The following LIMCH1 variants were observed in gnomAD, a reference collection of about 807,000 sequenced individuals.
The protein encoded by LIMCH1 is LIM and calponin homology domains 1, also known as LIM and calponin homology domains-containing protein 1.
Under a neutral mutation model 176.5 loss-of-function variants are expected in LIMCH1, and 113 were observed. The ratio of observed to expected loss-of-function variants is 0.64; its 90% CI spans 0.55 to 0.75. LIMCH1 has a LOEUF of 0.75. Among genes scored for constraint, LIMCH1 ranks in the 30% least tolerant of loss-of-function variants. LIMCH1 has a pLI of 0.00. For synonymous variants in LIMCH1, 619 were observed against 645.9 expected, an observed-to-expected ratio of 0.96 and a Z score of 0.63; for missense variants, 1,674 against 1,814.9, an observed-to-expected ratio of 0.92 and a Z score of 1.41.
chr4:41,631,100 T>A lies in LIMCH1; in HGVS notation c.1272-48T>A, dbSNP rs567949328. 1.0e-5 allele frequency: 14 copies of A among 1,363,386 alleles called. No homozygotes were observed. The East Asian group carries it at 3.1e-4, about 30-fold the overall frequency. The allele number at this position is 1,363,386 out of a possible 1,614,324, so 84.5% of individuals were successfully genotyped here. A position where few individuals can be genotyped will look rare whatever the true frequency, so the allele number is the denominator to read the frequency against. On this transcript the variant is annotated intron_variant, in intron 9 of 31. Transcript: ENST00000503057. ...TTGTTTTTTTTTTAAAAACCTCTTA[T>A]TGATTTGTACTCAGACACTTTTAGA...
rs1315423548 is a variant in LIMCH1 at position 41,580,352 on chromosome 4, G to T, written c.-240-18568G>T. The stretch of plus-strand genomic sequence containing the variant: ...ACACTCTGTGATCATGATGCAATGG[G>T]TATAGAAATAATAACAAGAAGGCAA... On this transcript the variant is annotated intron_variant, in intron 1 of 31. Coordinates refer to ENST00000503057, the MANE Select transcript of LIMCH1 (RefSeq NM_001330672.2). Among the ~76,000 whole-genome samples the T allele has an allele frequency of 2.6e-5, 4 of 152,076 alleles. No homozygotes were observed. The East Asian group carries it at 7.7e-4, about 29-fold the overall frequency.
At chr4:41,478,652 A>AG (rs1438800608) in intron 1 of LIMCH1, among the ~76,000 whole-genome samples, 1 of 152,226 alleles carries the variant, frequency 6.6e-6, no homozygotes, top group African/African-American at 2.4e-5. Flanking sequence ...CAACTGTTAC[A>AG]GGACTGTGTG....
intron 8 of LIMCH1, among the ~76,000 whole-genome samples, chr4:41,627,414 A>G (rs1387910001): frequency 6.6e-6 from 1 of 152,172 alleles, no homozygotes; most frequent in African/African-American, 2.4e-5. Flanking sequence ...TAGTCCATTC[A>G]AAGGAAGCAG....
intron 13 of LIMCH1, among the ~76,000 whole-genome samples, chr4:41,634,423 T>G (rs2093475982): frequency 6.6e-6 from 1 of 152,160 alleles, no homozygotes; most frequent in East Asian, 1.9e-4. Flanking sequence ...TGAGGAGGGC[T>G]TTGCATAATT....
intron 18 of LIMCH1, among the ~76,000 whole-genome samples, chr4:41,657,106 G>A (rs143590262): frequency 2.9e-3 from 435 of 152,320 alleles, no homozygotes; most frequent in Middle Eastern, 0.01. Context: ...AGTTTGGATC[G>A]CATTCTCAGT....
At chr4:41,513,557 G>A (rs749842006) in intron 2 of LIMCH1, among the ~76,000 whole-genome samples, 3 of 152,148 alleles carry the variant, frequency 2.0e-5, no homozygotes, top group Non-Finnish European at 4.4e-5. Context: ...GGAACAGGGG[G>A]ACTCCACTCA....
chr4:41,532,830 T>C (rs1022955533), intron 3 of LIMCH1, among the ~76,000 whole-genome samples: 1 of 152,226 alleles, frequency 6.6e-6, no homozygotes, highest in Non-Finnish European at 1.5e-5. Flanking sequence ...TTAATTGCTC[T>C]ATAACAAATT....
At chr4:41,411,534 C>G (rs1039407655) in intron 1 of LIMCH1, among the ~76,000 whole-genome samples, 1 of 151,970 alleles carries the variant, frequency 6.6e-6, no homozygotes. Flanking sequence ...TCAGGAAGTT[C>G]CCTTGAAGCT....
Position 41,598,940 on chromosome 4 carries a change from G to C in LIMCH1, c.-220G>C, listed in dbSNP as rs151127311. The C allele has an allele frequency of 3.7e-6, 6 of 1,606,852 alleles. No individual in the cohort carries two copies. Among genetic ancestry groups the C allele is most frequent in the Non-Finnish European group, 5.1e-6 (6 of 1,173,912 alleles). ...TCTAGGACAATATTATCTTATTCTT[G>C]AGAGGTTGTAAAGAGCTCGGCCTTA... On this transcript the variant is annotated 5_prime_UTR_variant, in exon 2 of 32. The change abolishes the stop of an existing upstream ORF in the 5' untranslated region. Coordinates refer to ENST00000503057, the MANE Select transcript of LIMCH1 (RefSeq NM_001330672.2).
chr4:41,635,815 A>T (rs1381979317), intron 13 of LIMCH1, among the ~76,000 whole-genome samples: 1 of 152,244 alleles, frequency 6.6e-6, no homozygotes, highest in Non-Finnish European at 1.5e-5. Context: ...CAAATTATTG[A>T]TTCTGAAATG....
Position 41,661,485 on chromosome 4 carries a change from A to AT in LIMCH1, c.3102_3103insT (p.Gly1035TrpfsTer38), listed in dbSNP as rs755320868. 8.7e-6 allele frequency: 14 copies of AT among 1,612,402 alleles called. No individual in the cohort carries two copies. Among genetic ancestry groups the AT allele is most frequent in the Non-Finnish European group, 1.2e-5 (14 of 1,178,850 alleles). ...AGAATGATGGTGGAAAATCAAGAAA[A>AT]GGGAATATAGAACTTGCCTCATCAG... is the stretch of plus-strand genomic sequence containing the variant. On this transcript the variant is annotated frameshift_variant, in exon 19 of 32. Transcript: ENST00000503057. LOFTEE classifies it high-confidence loss of function.
intron 1 of LIMCH1, among the ~76,000 whole-genome samples, chr4:41,471,507 G>A (rs2066956997): frequency 6.6e-6 from 1 of 152,270 alleles, no homozygotes; most frequent in South Asian, 2.1e-4. Context: ...GCTGCCCCAC[G>A]TCCATGGCAC....
chr4:41,459,871 A>G (rs1191665195), intron 1 of LIMCH1, among the ~76,000 whole-genome samples: 4 of 152,160 alleles, frequency 2.6e-5, no homozygotes, highest in Non-Finnish European at 5.9e-5. Context: ...AGGGAAAGCT[A>G]GAGCATGGAG....
chr4:41,447,790 G>T (rs1173524811), intron 1 of LIMCH1, among the ~76,000 whole-genome samples: 1 of 151,980 alleles, frequency 6.6e-6, no homozygotes, highest in Non-Finnish European at 1.5e-5. Context: ...GTTGGGAGTA[G>T]CATTTTTTTT....
intron 1 of LIMCH1, among the ~76,000 whole-genome samples, chr4:41,405,324 A>G (rs2058851178): frequency 1.3e-5 from 2 of 152,182 alleles, no homozygotes; most frequent in South Asian, 4.1e-4. Flanking sequence ...TTTTACTTGT[A>G]GAGTCAAATG....
At chr4:41,682,512 C>T (rs930856358) in intron 26 of LIMCH1, 52 bp downstream of exon 26, 7 of 1,581,240 alleles carry the variant, frequency 4.4e-6, no homozygotes, top group East Asian at 4.5e-5. Flanking sequence ...GGGCTCTGCT[C>T]GTGCACGCTC....
rs903475518 is a variant in LIMCH1 at position 41,600,927 on chromosome 4, C to T, written c.-134+1901C>T. Among the ~76,000 whole-genome samples the T allele has an allele frequency of 3.3e-5, 5 of 152,240 alleles. No individual in the cohort carries two copies. In the South Asian group the frequency reaches 1.0e-3, roughly 32 times the overall value. On this transcript the variant is annotated intron_variant, in intron 2 of 31. Coordinates refer to ENST00000503057, the MANE Select transcript of LIMCH1 (RefSeq NM_001330672.2). Reference sequence around the variant, plus strand: ...TCTTTTTGTTTTCCTGTTGATTTTTCCGTCTTTTTTTCTGTCTCCTTTTCT... The same window carrying T: ...TCTTTTTGTTTTCCTGTTGATTTTTTCGTCTTTTTTTCTGTCTCCTTTTCT...
chr4:41,626,675 C>G, intron 7 of LIMCH1, 33 bp from the exon 8 acceptor site: 1 of 1,514,218 alleles, frequency 6.6e-7, no homozygotes, highest in Non-Finnish European at 8.9e-7. Context: ...TGTCTGATCA[C>G]ATGTGGAGTC....
intron 5 of LIMCH1, among the ~76,000 whole-genome samples, chr4:41,617,258 C>A (rs989002102): frequency 6.6e-6 from 1 of 151,958 alleles, no homozygotes; most frequent in Non-Finnish European, 1.5e-5. Context: ...AGTCAGAACA[C>A]TTTTATCAGG....
Sources: allele counts gnomAD v4.1 joint callset (sites outside exome capture counted in the v4.1 genomes callset), GRCh38; gene constraint gnomAD v4.1.1; transcripts MANE v1.5; gene names NCBI Gene and HGNC (gene_info 2026-07-23, HGNC 2026-07-21).